The following GPHN variants were observed in gnomAD, a reference collection of about 807,000 sequenced individuals.
GPHN encodes the protein gephyrin.
GPHN carries 17 observed loss-of-function variants against 95.5 expected under a neutral mutation model. The ratio of observed to expected loss-of-function variants is 0.18; its 90% CI spans 0.12 to 0.27. The LOEUF (loss-of-function observed/expected upper bound fraction) is 0.27. GPHN is among the 10% of genes least tolerant of loss of function. The pLI is 1.00. For synonymous variants in GPHN, 320 were observed against 322.5 expected, an observed-to-expected ratio of 0.99 and a Z score of 0.08; for missense variants, 660 against 978.1, an observed-to-expected ratio of 0.67 and a Z score of 4.34.
the GPHN span, chr14:67,202,909 T>C: frequency 0.046 from 9,347 of 201,690 alleles, 525 homozygotes; most frequent in African/African-American, 0.15. Flanking sequence ...TAGGCCCCCA[T>C]GGGTCAGAGG....
chr14:67,592,037 T>C, the GPHN span: 2 of 156,442 alleles, frequency 1.3e-5, no homozygotes, highest in Non-Finnish European at 2.8e-5. Flanking sequence ...GTAAGATCAA[T>C]TACCTCTATC....
the GPHN span, chr14:67,569,161 C>T: frequency 4.3e-6 from 7 of 1,612,576 alleles, no homozygotes; most frequent in South Asian, 1.1e-5. Flanking sequence ...ATGCTGTGGC[C>T]ACATCGGGCA....
chr14:67,645,555 A>G, the GPHN span: 1 of 1,452,588 alleles, frequency 6.9e-7, no homozygotes, highest in Non-Finnish European at 9.4e-7. Flanking sequence ...CACTGTGGAG[A>G]GAGTATAAGT....
intron 9 of GPHN, among the ~76,000 whole-genome samples, chr14:67,008,776 G>T (rs2072782131): frequency 6.6e-6 from 1 of 151,932 alleles, no homozygotes; most frequent in Non-Finnish European, 1.5e-5. Context: ...TGAACTTCTG[G>T]GTTCAAGCAA....
chr14:66,835,791 A>G (rs2061776725), intron 4 of GPHN, among the ~76,000 whole-genome samples: 1 of 152,086 alleles, frequency 6.6e-6, no homozygotes, highest in African/African-American at 2.4e-5. Flanking sequence ...AAGCATTCCT[A>G]TACACCAACA....
the GPHN span, among the ~76,000 whole-genome samples, chr14:67,245,297 A>G: frequency 1.3e-5 from 2 of 152,162 alleles, no homozygotes; most frequent in African/African-American, 2.4e-5. Flanking sequence ...CAGTTGCTTT[A>G]CATTCCTGTC....
intron 8 of GPHN, among the ~76,000 whole-genome samples, chr14:66,943,416 A>T (rs111788117): frequency 6.6e-6 from 1 of 152,216 alleles, no homozygotes; most frequent in African/African-American, 2.4e-5. Context: ...TTAATTAAAG[A>T]TGCGGTTAGT....
At chr14:67,064,583 G>A (rs1446606512) in intron 11 of GPHN, among the ~76,000 whole-genome samples, 2 of 152,120 alleles carry the variant, frequency 1.3e-5, no homozygotes, top group East Asian at 3.9e-4. Flanking sequence ...TTGGTTGGTA[G>A]GCTATTAATT....
At chr14:67,135,263 A>G (rs1049860255) in intron 17 of GPHN, among the ~76,000 whole-genome samples, 3 of 151,988 alleles carry the variant, frequency 2.0e-5, no homozygotes, top group African/African-American at 7.2e-5. Flanking sequence ...CCCAGCCTAG[A>G]TTTAGCTATA....
the GPHN span, among the ~76,000 whole-genome samples, chr14:67,697,104 A>G: frequency 1.1e-4 from 17 of 152,064 alleles, no homozygotes; most frequent in African/African-American, 1.9e-4. Flanking sequence ...TGGCATTCCT[A>G]TAGTGTACTA....
chr14:66,694,562 G>A (rs7158148), intron 2 of GPHN, among the ~76,000 whole-genome samples: 47,855 of 152,000 alleles, frequency 0.31, 11,519 homozygotes, highest in African/African-American at 0.65. Flanking sequence ...CCTTAAAAAA[G>A]TTAATTCAAA....
chr14:66,965,476 G>T (rs1006053350), intron 9 of GPHN, 151 bp downstream of exon 9: 4 of 746,914 alleles, frequency 5.4e-6, no homozygotes, highest in African/African-American at 5.2e-5. Context: ...CACCCATTGT[G>T]TCACAAATTG....
chr14:66,649,195 G>A (rs182860761), intron 1 of GPHN, among the ~76,000 whole-genome samples: 9 of 152,108 alleles, frequency 5.9e-5, no homozygotes, highest in Non-Finnish European at 1.0e-4. Flanking sequence ...TTAGCAGGGC[G>A]TGGTGGCGTG....
At chr14:67,253,704 G>A in the GPHN span, among the ~76,000 whole-genome samples, 3 of 151,972 alleles carry the variant, frequency 2.0e-5, no homozygotes, top group African/African-American at 7.3e-5. Flanking sequence ...AAAATTAGCT[G>A]GGTTTGCATT....
intron 16 of GPHN, among the ~76,000 whole-genome samples, chr14:67,121,049 A>G (rs535355827): frequency 6.6e-6 from 1 of 152,348 alleles, no homozygotes; most frequent in South Asian, 2.1e-4. Flanking sequence ...GAGAATTCAT[A>G]TAATAAGCTC....
chr14:67,662,920 A>AAC, the GPHN span: 15 of 1,273,276 alleles, frequency 1.2e-5, no homozygotes, highest in Non-Finnish European at 7.9e-6. Flanking sequence ...AAAAAAAAAA[A>AAC]AGAATGTTTA....
intron 8 of GPHN, among the ~76,000 whole-genome samples, chr14:66,953,398 C>T (rs2068254444): frequency 6.6e-6 from 1 of 151,986 alleles, no homozygotes; most frequent in South Asian, 2.1e-4. Context: ...AAATCCATCA[C>T]CAAAGTCGTG....
chr14:67,249,727 CATT>C, the GPHN span, among the ~76,000 whole-genome samples: 3 of 152,114 alleles, frequency 2.0e-5, no homozygotes, highest in East Asian at 1.9e-4. Flanking sequence ...TGTGTGAAAA[CATT>C]ATATTTTGAG....
At chr14:67,670,838 TTAAGG>T in the GPHN span, among the ~76,000 whole-genome samples, 1 of 152,194 alleles carries the variant, frequency 6.6e-6, no homozygotes, top group Non-Finnish European at 1.5e-5. Flanking sequence ...TTGTTTCTTT[TTAAGG>T]TAAGAACTCT....
Sources: gnomAD v4.1 joint callset for allele counts (sites outside exome capture counted in the v4.1 genomes callset) on GRCh38, gnomAD v4.1.1 for gene constraint, MANE v1.5 for transcripts, NCBI Gene and HGNC (gene_info 2026-07-23, HGNC 2026-07-21) for gene names.